The following DLG2 variants were observed in gnomAD, a reference collection of about 807,000 sequenced individuals.
DLG2 encodes discs large MAGUK scaffold protein 2.
DLG2 carries 45 observed loss-of-function variants against 132.5 expected under a neutral mutation model. The ratio of observed to expected loss-of-function variants is 0.34; its 90% CI spans 0.27 to 0.44. The LOEUF (loss-of-function observed/expected upper bound fraction) is 0.44. DLG2 is among the 20% of genes least tolerant of loss of function. The pLI is 1.00. For synonymous variants in DLG2, 424 were observed against 419.6 expected, an observed-to-expected ratio of 1.01 and a Z score of -0.13; for missense variants, 1,045 against 1,196.9, an observed-to-expected ratio of 0.87 and a Z score of 1.87.
intron 6 of DLG2, among the ~76,000 whole-genome samples, chr11:84,883,415 T>C (rs2087695764): frequency 6.6e-6 from 1 of 151,890 alleles, no homozygotes; most frequent in African/African-American, 2.4e-5. Context: ...ACCATGGCAC[T>C]TTATACCTGT....
intron 14 of DLG2, among the ~76,000 whole-genome samples, chr11:83,948,440 C>T (rs898367364): frequency 6.6e-6 from 1 of 152,102 alleles, no homozygotes; most frequent in African/African-American, 2.4e-5. Flanking sequence ...TGACTCCCCA[C>T]CCAGCACTCC....
At chr11:85,526,862 AG>A (rs1421665937) in intron 3 of DLG2, among the ~76,000 whole-genome samples, 5 of 152,312 alleles carry the variant, frequency 3.3e-5, no homozygotes, top group African/African-American at 1.2e-4. Flanking sequence ...TAAATACTAA[AG>A]GTCAAAACAC....
At chr11:84,762,025 G>T (rs575536564) in intron 6 of DLG2, 2 of 152,156 alleles carry the variant, frequency 1.3e-5, no homozygotes, top group East Asian at 1.9e-4. Context: ...TATAAAAAAT[G>T]TATTTTGGCT....
chr11:84,130,795 A>G (rs563378807), intron 9 of DLG2, among the ~76,000 whole-genome samples: 2 of 152,042 alleles, frequency 1.3e-5, no homozygotes, highest in East Asian at 3.9e-4. Flanking sequence ...TTGTAAACTT[A>G]GAAGCAAATG....
chr11:85,048,679 G>C (rs1051089039), intron 6 of DLG2, among the ~76,000 whole-genome samples: 5 of 151,996 alleles, frequency 3.3e-5, no homozygotes, highest in African/African-American at 4.8e-5. Context: ...TGTAAAAATA[G>C]AGTCGGGACA....
chr11:84,669,677 A>T (rs997137988), intron 6 of DLG2, among the ~76,000 whole-genome samples: 1 of 152,150 alleles, frequency 6.6e-6, no homozygotes, highest in East Asian at 1.9e-4. Context: ...TTCACAGCCT[A>T]TCCTGTAGTC....
intron 7 of DLG2, among the ~76,000 whole-genome samples, chr11:84,489,029 A>G (rs2099157930): frequency 6.6e-6 from 1 of 152,162 alleles, no homozygotes; most frequent in African/African-American, 2.4e-5. Flanking sequence ...GCTCAGAAAT[A>G]CTGAATAATT....
intron 4 of DLG2, among the ~76,000 whole-genome samples, chr11:85,181,148 CTT>C (rs1282190314): frequency 6.6e-6 from 1 of 151,610 alleles, no homozygotes; most frequent in Non-Finnish European, 1.5e-5. Flanking sequence ...TAATTTCTCT[CTT>C]CTTTCAGGCT....
chr11:83,690,749 A>G (rs1367032572), intron 18 of DLG2, among the ~76,000 whole-genome samples: 1 of 152,068 alleles, frequency 6.6e-6, no homozygotes, highest in East Asian at 1.9e-4. Context: ...ATTTTTATAT[A>G]GTCTATAAGC....
chr11:84,896,721 T>C (rs1291431086), intron 6 of DLG2, among the ~76,000 whole-genome samples: 3 of 152,120 alleles, frequency 2.0e-5, no homozygotes, highest in Admixed American at 6.5e-5. Context: ...TACAATATAG[T>C]AAGACATTTT....
chr11:85,187,122 G>A lies in DLG2; in HGVS notation c.187-32471C>T, dbSNP rs79308375. Among the ~76,000 whole-genome samples the A allele has an allele frequency of 2.7e-3, 416 of 152,060 alleles. 1 individual carries two copies. Among genetic ancestry groups the A allele is most frequent in the African/African-American group, 9.7e-3 (401 of 41,496 alleles). ...TCTTTGCAGTCAAAAAACCAACCTC[G>A]AAATCACATCTCAGTGGCAATACTG... is the stretch of plus-strand genomic sequence containing the variant. On this transcript the variant is annotated intron_variant, in intron 4 of 27. Coordinates refer to ENST00000376104, the MANE Select transcript of DLG2 (RefSeq NM_001142699.3).
intron 6 of DLG2, among the ~76,000 whole-genome samples, chr11:84,918,777 G>GT (rs2092618550): frequency 6.6e-6 from 1 of 152,062 alleles, no homozygotes; most frequent in African/African-American, 2.4e-5. Flanking sequence ...AGGCTATGAG[G>GT]TTTTTTCTTC....
At chr11:85,140,053 T>C (rs1002121182) in intron 5 of DLG2, among the ~76,000 whole-genome samples, 1 of 152,064 alleles carries the variant, frequency 6.6e-6, no homozygotes, top group African/African-American at 2.4e-5. Flanking sequence ...ACAGTTTCTT[T>C]ATCCATTCAC....
intron 3 of DLG2, among the ~76,000 whole-genome samples, chr11:85,371,278 C>G (rs1158679070): frequency 1.3e-5 from 2 of 152,112 alleles, no homozygotes; most frequent in Admixed American, 1.3e-4. Context: ...ACCTTTTTGA[C>G]TTTCGCTTGG....
chr11:85,372,745 C>A (rs2085087763), intron 3 of DLG2, among the ~76,000 whole-genome samples: 1 of 152,234 alleles, frequency 6.6e-6, no homozygotes, highest in African/African-American at 2.4e-5. Context: ...GGTACAGCCA[C>A]TTTGGCACTC....
At chr11:85,036,491 A>G (rs941372157) in intron 6 of DLG2, among the ~76,000 whole-genome samples, 22 of 152,218 alleles carry the variant, frequency 1.4e-4, no homozygotes, top group Non-Finnish European at 3.2e-4. Context: ...AATAGAAACT[A>G]TTGATAATTT....
intron 6 of DLG2, among the ~76,000 whole-genome samples, chr11:84,663,238 T>C (rs1940066): frequency 0.028 from 1,883 of 67,032 alleles, 41 homozygotes; most frequent in African/African-American, 0.1. Context: ...GTTATATATA[T>C]ATATATATAT....
intron 6 of DLG2, chr11:84,936,718 A>G (rs556503040): frequency 6.6e-6 from 1 of 152,220 alleles, no homozygotes; most frequent in Non-Finnish European, 1.5e-5. Context: ...TACAATGAGC[A>G]TGGCTTTTGA....
intron 3 of DLG2, among the ~76,000 whole-genome samples, chr11:85,499,805 T>A (rs77003089): frequency 6.6e-6 from 1 of 152,106 alleles, no homozygotes; most frequent in African/African-American, 2.4e-5. Flanking sequence ...TGCAAATCAA[T>A]AAATGTAATC....
Sources: gnomAD v4.1 joint callset for allele counts (sites outside exome capture counted in the v4.1 genomes callset) on GRCh38, gnomAD v4.1.1 for gene constraint, MANE v1.5 for transcripts, NCBI Gene and HGNC (gene_info 2026-07-23, HGNC 2026-07-21) for gene names.